The following ABCC6 variants were observed in gnomAD, a reference collection of about 807,000 sequenced individuals.
ABCC6 encodes ATP binding cassette subfamily C member 6, also known as ATP-binding cassette sub-family C member 6.
ABCC6 carries 126 observed loss-of-function variants against 169.5 expected under a neutral mutation model. That is an observed-to-expected ratio of 0.74 (90% CI 0.64 to 0.86). The LOEUF is 0.86. ABCC6 is among the 40% of genes least tolerant of loss of function. The probability of loss-of-function intolerance (pLI) is 0.00; values close to 1 mark genes in which losing one functional copy is unlikely to be tolerated. For missense variants in ABCC6, 1,733 were observed against 1,927.2 expected, an observed-to-expected ratio of 0.90 and a Z score of 1.89; for synonymous variants, 752 against 814.7, an observed-to-expected ratio of 0.92 and a Z score of 1.31.
intron 21 of ABCC6, among the ~76,000 whole-genome samples, chr16:16,170,993 C>T (rs2152238022): frequency 6.6e-6 from 1 of 151,948 alleles, no homozygotes; most frequent in East Asian, 1.9e-4. Context: ...TCTTATCTCG[C>T]CCCCACTCAC....
rs1567492452 is a variant in ABCC6, at chr16:16,174,761, C to T, written c.2666+1150G>A. ...GACAGAGCAAGATTCTGTCTCAAAA[C>T]CCCCCCCCGCAAAAAACAAAAAACC... On this transcript the variant is annotated intron_variant, in intron 20 of 30. Coordinates refer to ENST00000205557, the MANE Select transcript of ABCC6 (RefSeq NM_001171.6). 2.7e-5 allele frequency among the ~76,000 whole-genome samples: 3 copies of T among 110,670 alleles called. 1 individual carries two copies. The highest frequency in any genetic ancestry group is 5.7e-5 in the Non-Finnish European group (3 of 52,510). The allele number at this position is 110,670 out of a possible 152,430, so 72.6% of individuals were successfully genotyped here. A position where few individuals can be genotyped will look rare whatever the true frequency, so the allele number is the denominator to read the frequency against.
intron 13 of ABCC6, among the ~76,000 whole-genome samples, 158 bp from the exon 14 acceptor site, chr16:16,187,369 C>T (rs2047683815): frequency 6.6e-6 from 1 of 152,230 alleles, no homozygotes; most frequent in African/African-American, 2.4e-5. Flanking sequence ...GGAAACGATG[C>T]AACCCGAGTG....
intron 24 of ABCC6, among the ~76,000 whole-genome samples, chr16:16,162,706 T>C (rs2152223772): frequency 6.6e-6 from 1 of 152,324 alleles, no homozygotes; most frequent in African/African-American, 2.4e-5. Flanking sequence ...TACCTAAAGA[T>C]GGCTGAGGAT....
At chr16:16,215,438 G>GGTATATGT in intron 4 of ABCC6, among the ~76,000 whole-genome samples, 1 of 136,952 alleles carries the variant, frequency 7.3e-6, no homozygotes, top group Admixed American at 7.4e-5. Flanking sequence ...TTTAATTTTA[G>GGTATATGT]GTGTGTGTGT....
intron 12 of ABCC6, 32 bp downstream of exon 12, chr16:16,190,132 G>A (rs759650438): frequency 1.2e-6 from 2 of 1,610,448 alleles, no homozygotes; most frequent in South Asian, 2.2e-5. Context: ...CTTCCCCAGT[G>A]CTGCTCAGCA....
chr16:16,177,305 T>C (rs897906431), intron 19 of ABCC6, 147 bp downstream of exon 19: 10 of 876,112 alleles, frequency 1.1e-5, no homozygotes, highest in East Asian at 2.4e-5. Context: ...AAAGGTGACC[T>C]ATTAAGAGAG....
chr16:16,168,750 G>A (rs772340231), intron 22 of ABCC6, among the ~76,000 whole-genome samples: 3 of 152,078 alleles, frequency 2.0e-5, no homozygotes, highest in Non-Finnish European at 4.4e-5. Flanking sequence ...GCAAACATGC[G>A]CACACCCACG....
chr16:16,174,885 C>T (rs1257672193), intron 20 of ABCC6, among the ~76,000 whole-genome samples: 11 of 150,526 alleles, frequency 7.3e-5, no homozygotes, highest in South Asian at 4.3e-4. Flanking sequence ...CTCAGCCTCC[C>T]GAGTAGCTGG....
chr16:16,164,128 G>A (rs1381538757), intron 23 of ABCC6, among the ~76,000 whole-genome samples: 2 of 152,004 alleles, frequency 1.3e-5, no homozygotes, highest in Non-Finnish European at 2.9e-5. Flanking sequence ...CTGCCTCCCG[G>A]GCTCAAGCAA....
Position 16,217,566 on chromosome 16 carries a change from G to A in ABCC6, c.474+1988C>T, listed in dbSNP as rs8054535. Among the ~76,000 whole-genome samples, 761 of 152,286 alleles carry A rather than the reference G, an allele frequency of 5.0e-3. 10 individuals carry two copies. The highest frequency in any genetic ancestry group is 0.018 in the African/African-American group (731 of 41,552). On this transcript the variant is annotated intron_variant, in intron 4 of 30. Transcript: ENST00000205557. ...TTCTATTTCTATTTAAAAAAATAAAGAACCCATCACTGTGAACTCTTGTGA... is the reference window on the plus strand; with the variant it reads ...TTCTATTTCTATTTAAAAAAATAAAAAACCCATCACTGTGAACTCTTGTGA...
At position 16,219,907 on chromosome 16, in the gene ABCC6, A is replaced by T; in HGVS notation, c.260T>A (p.Val87Glu). 1 of 1,499,522 alleles carries T rather than the reference A, an allele frequency of 6.7e-7. No homozygotes were observed. Among genetic ancestry groups the T allele is most frequent in the Non-Finnish European group, 9.1e-7 (1 of 1,100,652 alleles). 92.9% of individuals were successfully genotyped at this position (1,499,522 alleles called of 1,614,324 possible). ...FALIVLCTSS[V>E]AVALWKIQQG... The stretch of plus-strand genomic sequence containing the variant: ...TTGGATTTTCCAAAGAGCGACAGCC[A>T]CGCTGGAGGTACACAGGACTATGAG... The change falls in exon 3 of 31, where the codon GTG becomes GAG. Residue 87 changes from valine to glutamate, a missense_variant. This residue lies in a region of ABCC6 where 17 missense variants were observed against 108.1 expected (regional missense o/e 0.16). Transcript: ENST00000205557.
At chr16:16,157,268 A>G (rs1360323325) in intron 27 of ABCC6, among the ~76,000 whole-genome samples, 1 of 152,186 alleles carries the variant, frequency 6.6e-6, no homozygotes, top group African/African-American at 2.4e-5. Context: ...ACCAGTCCCA[A>G]TTTACAGATG....
intron 2 of ABCC6, 193 bp downstream of exon 2, chr16:16,221,456 C>T: frequency 6.9e-7 from 1 of 1,448,220 alleles, no homozygotes; most frequent in Non-Finnish European, 9.1e-7. Context: ...TTCGGAATTA[C>T]AAAATCTGTT....
In ABCC6 at chr16:16,150,566, C is replaced by A; in HGVS notation, c.4403+12G>T. 6.2e-7 allele frequency: 1 copy of A among 1,605,062 alleles called. No individual in the cohort carries two copies. The highest frequency in any genetic ancestry group is 8.5e-7 in the Non-Finnish European group (1 of 1,174,158). On this transcript the variant is annotated intron_variant, in intron 30 of 30. Transcript: ENST00000205557. ...GGGCTGCTGTGAGGTCAGGCCGGGG[C>A]GGGAGCCTTACCGGGCACAGTCCAT...
chr16:16,165,479 T>G lies in ABCC6; in HGVS notation c.3306+144A>C, dbSNP rs897955699. On this transcript the variant is annotated intron_variant, in intron 23 of 30. Coordinates refer to ENST00000205557, the MANE Select transcript of ABCC6 (RefSeq NM_001171.6). ...ACTAGTGGAGATACCAGAAAGACTG[T>G]AGTGTCCCTGTCCCTGGGAATTCTA... 9.3e-5 allele frequency: 76 copies of G among 813,302 alleles called. No individual in the cohort carries two copies. In the African/African-American group the frequency reaches 1.3e-3, roughly 13 times the overall value. 50.4% of individuals were successfully genotyped at this position (813,302 alleles called of 1,614,324 possible).
intron 29 of ABCC6, among the ~76,000 whole-genome samples, chr16:16,151,882 G>A (rs1423198228): frequency 6.6e-6 from 1 of 151,992 alleles, no homozygotes; most frequent in Non-Finnish European, 1.5e-5. Context: ...GCTGAATCGT[G>A]ACGACATGGC....
chr16:16,150,174 CCTTCTGGGCCAG>C lies in ABCC6; in HGVS notation c.4459_4470del (p.Leu1487_Lys1490del), dbSNP rs1219230462. The C allele has an allele frequency of 9.9e-6, 16 of 1,613,306 alleles. No individual in the cohort carries two copies. The highest frequency in any genetic ancestry group is 1.4e-5 in the Non-Finnish European group (16 of 1,180,030). On this transcript the variant is annotated inframe_deletion, in exon 31 of 31. Coordinates refer to ENST00000205557, the MANE Select transcript of ABCC6 (RefSeq NM_001171.6). ...TCCTGGGCCAGTCTGTAAAACAGGC[CCTTCTGGGCCAG>C]CAGCTGGGCCGGGCTGCCGCTCTCT...
At chr16:16,157,845 T>C (rs755354542) in intron 26 of ABCC6, 36 bp from the exon 27 acceptor site, 2 of 1,598,924 alleles carry the variant, frequency 1.3e-6, no homozygotes, top group Admixed American at 1.7e-5. Flanking sequence ...AGAGGAGCCT[T>C]CCTCTAAGAC....
intron 17 of ABCC6, among the ~76,000 whole-genome samples, chr16:16,181,224 C>T (rs2047458128): frequency 6.6e-6 from 1 of 151,288 alleles, no homozygotes; most frequent in South Asian, 2.1e-4. Flanking sequence ...GGGAGGATTG[C>T]TTGAACTACT....
Sources: gnomAD v4.1 joint callset for allele counts (sites outside exome capture counted in the v4.1 genomes callset) on GRCh38, gnomAD v4.1.1 for gene constraint, gnomAD v4.1.1 regional missense constraint, MANE v1.5 for transcripts, NCBI Gene and HGNC (gene_info 2026-07-23, HGNC 2026-07-21) for gene names.